FGF13: variants seen among roughly 807,000 people sequenced by gnomAD.
The protein encoded by FGF13 is fibroblast growth factor homologous factor 2.
Under a neutral mutation model 19.5 loss-of-function variants are expected in FGF13, and 2 were observed. The ratio of observed to expected loss-of-function variants is 0.10; its 90% CI spans 0.04 to 0.32. The LOEUF is 0.32. Ranked by LOEUF, FGF13 falls within the 10% of genes least tolerant of loss-of-function variation. The pLI is 1.00. For missense variants in FGF13, 113 were observed against 192.7 expected (o/e 0.59, Z 2.45); for synonymous variants, 72 against 76.9 (o/e 0.94, Z 0.33).
intron 1 of FGF13, among the ~76,000 whole-genome samples, chrX:139,017,813 T>A (rs1175034295): frequency 9.0e-6 from 1 of 111,608 alleles, no homozygotes; most frequent in African/African-American, 3.3e-5. Flanking sequence ...TCATCAACTC[T>A]TATATATTCC....
At position 138,629,379 on chromosome X, in the gene FGF13, T is replaced by C. The variant is rs1445015527; in HGVS notation, c.*3471A>G. The C allele has an allele frequency of 1.8e-5, 2 of 112,098 alleles. No individual in the cohort carries two copies. Among genetic ancestry groups the C allele is most frequent in the African/African-American group, 6.5e-5 (2 of 30,839 alleles). The allele number at this position is 112,098 out of a possible 1,213,427, so 9.2% of individuals were successfully genotyped here. A position where few individuals can be genotyped will look rare whatever the true frequency, so the allele number is the denominator to read the frequency against. On this transcript the variant is annotated 3_prime_UTR_variant, in exon 5 of 5. Coordinates refer to ENST00000315930, the MANE Select transcript of FGF13 (RefSeq NM_004114.5). ...GTATGCCAGTGTGATATGGTTTGGCTCTGTGTCCCCACCTAAATCTCATTT... is the reference window on the plus strand; with the variant it reads ...GTATGCCAGTGTGATATGGTTTGGCCCTGTGTCCCCACCTAAATCTCATTT...
chrX:138,992,709 T>C lies in FGF13; in HGVS notation c.-112-128059A>G, dbSNP rs191326416. Among the ~76,000 whole-genome samples the C allele has an allele frequency of 4.0e-3, 444 of 111,996 alleles. 1 individual carries two copies. The highest frequency in any genetic ancestry group is 0.014 in the African/African-American group (420 of 30,910). On this transcript the variant is annotated intron_variant, in intron 1 of 2. Transcript: ENST00000421460. ...ATAAATGTAGAATGAATGATATAGA[T>C]AGAACATTGCTATTGGGCAAACACC...
At chrX:138,971,833 C>T (rs2124318548) in intron 1 of FGF13, among the ~76,000 whole-genome samples, 1 of 111,500 alleles carries the variant, frequency 9.0e-6, no homozygotes, top group East Asian at 2.8e-4. Flanking sequence ...TAACTTCATA[C>T]CCATCGATCA....
chrX:138,851,007 G>C (rs888303150), intron 3 of FGF13, among the ~76,000 whole-genome samples: 3 of 111,741 alleles, frequency 2.7e-5, no homozygotes, highest in Non-Finnish European at 5.6e-5. Flanking sequence ...TTCTGTTCCT[G>C]TGTTAGTTTG....
intron 1 of FGF13, among the ~76,000 whole-genome samples, chrX:138,910,776 C>T (rs1169434032): frequency 8.9e-6 from 1 of 112,200 alleles, no homozygotes; most frequent in African/African-American, 3.2e-5. Context: ...AGCTACATGA[C>T]AGACATTATA....
intron 1 of FGF13, among the ~76,000 whole-genome samples, chrX:139,038,736 A>G (rs1265164038): frequency 1.8e-5 from 2 of 111,716 alleles, no homozygotes; most frequent in Non-Finnish European, 3.8e-5. Flanking sequence ...ATTCTCTAGA[A>G]CAGCACTGCT....
chrX:139,146,518 G>A (rs113290673), intron 1 of FGF13, among the ~76,000 whole-genome samples: 21 of 112,253 alleles, frequency 1.9e-4, no homozygotes, highest in Admixed American at 3.8e-4. Context: ...TTACACTGTT[G>A]GTGGGACTGT....
rs749818349 is a variant in FGF13, at chrX:138,789,147, C to T, written c.217+68365G>A. Among the ~76,000 whole-genome samples the T allele has an allele frequency of 8.1e-5, 9 of 111,001 alleles. No individual in the cohort carries two copies. In the South Asian group the frequency reaches 3.4e-3, roughly 43 times the overall value. The stretch of plus-strand genomic sequence containing the variant: ...TTCATATTTCTACCTGCATTCTATA[C>T]AGGATTATTATTTATTCATTTGTTT... On this transcript the variant is annotated intron_variant, in intron 3 of 6. Transcript: ENST00000436198.
chrX:139,018,061 G>A (rs1212120782), intron 1 of FGF13, among the ~76,000 whole-genome samples: 1 of 111,876 alleles, frequency 8.9e-6, no homozygotes, highest in East Asian at 2.8e-4. Context: ...TGCAAGTTGT[G>A]TCATTTCTTT....
At chrX:138,808,735 A>C (rs758286996) in intron 3 of FGF13, among the ~76,000 whole-genome samples, 1 of 111,880 alleles carries the variant, frequency 8.9e-6, no homozygotes, top group Non-Finnish European at 1.9e-5. Flanking sequence ...AGAATCAAAT[A>C]GATGCAATAA....
intron 3 of FGF13, among the ~76,000 whole-genome samples, chrX:138,745,383 C>T (rs1045249766): frequency 1.8e-4 from 20 of 111,103 alleles, no homozygotes; most frequent in African/African-American, 6.5e-4. Context: ...TTGTGCAGTT[C>T]CTCTCTCTCT....
At chrX:138,859,732 T>C (rs2091278680) in intron 2 of FGF13, among the ~76,000 whole-genome samples, 1 of 112,280 alleles carries the variant, frequency 8.9e-6, no homozygotes, top group Admixed American at 9.4e-5. Flanking sequence ...AACAAAATTC[T>C]AGTGAAAGCT....
chrX:139,067,263 G>A (rs1207342158), intron 1 of FGF13, among the ~76,000 whole-genome samples: 1 of 111,481 alleles, frequency 9.0e-6, no homozygotes, highest in African/African-American at 3.3e-5. Context: ...ATTCAACATA[G>A]TATTGGAAGT....
intron 3 of FGF13, among the ~76,000 whole-genome samples, chrX:138,800,406 C>T (rs1356323452): frequency 8.9e-6 from 1 of 111,853 alleles, no homozygotes; most frequent in Non-Finnish European, 1.9e-5. Context: ...TTGGACCCCA[C>T]TCTCTTCTGG....
At chrX:139,150,784 G>A (rs1435987776) in intron 1 of FGF13, among the ~76,000 whole-genome samples, 1 of 111,722 alleles carries the variant, frequency 9.0e-6, no homozygotes, top group East Asian at 2.8e-4. Flanking sequence ...TAAGCACTGA[G>A]ATGCAGTGAA....
At chrX:138,681,120 G>T (rs771330541) in intron 3 of FGF13, among the ~76,000 whole-genome samples, 3 of 101,610 alleles carry the variant, frequency 3.0e-5, no homozygotes, top group Admixed American at 2.2e-4. Flanking sequence ...GTTGCAGCGA[G>T]CCAATATTAT....
At chrX:138,711,725 T>G, upstream of FGF13, 1 of 747,955 alleles carries the variant, frequency 1.3e-6, no homozygotes, top group Non-Finnish European at 1.6e-6. Context: ...GACAGCCTCC[T>G]TGCAGCCCCC....
intron 1 of FGF13, among the ~76,000 whole-genome samples, chrX:138,905,361 A>G (rs778047588): frequency 8.9e-6 from 1 of 112,256 alleles, no homozygotes; most frequent in Non-Finnish European, 1.9e-5. Flanking sequence ...TAAGCACAAG[A>G]TAATGTGACT....
chrX:138,954,095 C>CAA (rs374374818), intron 1 of FGF13, among the ~76,000 whole-genome samples: 3 of 94,186 alleles, frequency 3.2e-5, no homozygotes, highest in East Asian at 3.5e-4. Context: ...GTAAATTTAA[C>CAA]GAGAGAGAGA....
Sources: allele counts gnomAD v4.1 joint callset (sites outside exome capture counted in the v4.1 genomes callset), GRCh38; gene constraint gnomAD v4.1.1; transcripts MANE v1.5; gene names NCBI Gene and HGNC (gene_info 2026-07-23, HGNC 2026-07-21).